NLGN1: variants seen among roughly 807,000 people sequenced by gnomAD.
The protein encoded by NLGN1 is neuroligin 1.
Under a neutral mutation model 65.5 loss-of-function variants are expected in NLGN1, and 12 were observed. That is an observed-to-expected ratio of 0.18 (90% CI 0.12 to 0.30). The LOEUF is 0.30. Among genes scored for constraint, NLGN1 ranks in the 10% least tolerant of loss-of-function variants. The probability of loss-of-function intolerance (pLI) is 1.00; values close to 1 mark genes in which losing one functional copy is unlikely to be tolerated. For missense variants in NLGN1, 750 were observed against 1,007.1 expected, an observed-to-expected ratio of 0.74 and a Z score of 3.46; for synonymous variants, 350 against 359.5, an observed-to-expected ratio of 0.97 and a Z score of 0.30.
chr3:174,008,349 T>TC (rs986131035), intron 4 of NLGN1, among the ~76,000 whole-genome samples: 36 of 80,210 alleles, frequency 4.5e-4, no homozygotes, highest in African/African-American at 1.6e-3. Flanking sequence ...ATCCAACCCG[T>TC]CCCCCCCACC....
At chr3:173,664,605 A>C (rs1761442634) in intron 3 of NLGN1, among the ~76,000 whole-genome samples, 1 of 152,148 alleles carries the variant, frequency 6.6e-6, no homozygotes, top group Non-Finnish European at 1.5e-5. Context: ...GTTTCCATTC[A>C]TTGAACACCC....
intron 4 of NLGN1, among the ~76,000 whole-genome samples, chr3:174,037,160 C>G (rs764254142): frequency 1.3e-5 from 2 of 152,124 alleles, no homozygotes; most frequent in Admixed American, 1.3e-4. Flanking sequence ...GTTTTTAGGT[C>G]TTTGAGGAAT....
chr3:174,059,086 A>T (rs75448228), intron 4 of NLGN1, among the ~76,000 whole-genome samples: 10,999 of 152,178 alleles, frequency 0.072, 659 homozygotes, highest in African/African-American at 0.16. Context: ...GCTTTCTTCA[A>T]GTGTTTGGTG....
At chr3:174,027,306 T>C (rs1233802996) in intron 4 of NLGN1, among the ~76,000 whole-genome samples, 1 of 152,170 alleles carries the variant, frequency 6.6e-6, no homozygotes, top group Non-Finnish European at 1.5e-5. Flanking sequence ...CCTTCTCTCT[T>C]ATACCCTGTT....
intron 4 of NLGN1, among the ~76,000 whole-genome samples, chr3:173,876,106 C>A (rs767031267): frequency 8.5e-5 from 13 of 152,082 alleles, no homozygotes; most frequent in Non-Finnish European, 1.6e-4. Flanking sequence ...CAAACTGATT[C>A]TCCTGGAAGG....
chr3:173,781,105 A>C (rs1781069834), intron 3 of NLGN1, among the ~76,000 whole-genome samples: 1 of 122,700 alleles, frequency 8.1e-6, no homozygotes, highest in African/African-American at 3.1e-5. Context: ...AGATCGCGCC[A>C]CTGCACTCCA....
intron 2 of NLGN1, among the ~76,000 whole-genome samples, chr3:173,600,199 G>GCACACA (rs1426717740): frequency 2.4e-4 from 1 of 4,216 alleles, no homozygotes. Context: ...GTACATGTGT[G>GCACACA]TACACACACA....
At chr3:174,243,913 G>A (rs1743333946) in intron 4 of NLGN1, among the ~76,000 whole-genome samples, 1 of 152,086 alleles carries the variant, frequency 6.6e-6, no homozygotes, top group African/African-American at 2.4e-5. Context: ...TACCACTTTT[G>A]GGTGACAGAA....
intron 4 of NLGN1, among the ~76,000 whole-genome samples, chr3:173,848,380 A>T (rs777300766): frequency 4.6e-5 from 7 of 152,200 alleles, no homozygotes; most frequent in Non-Finnish European, 1.0e-4. Context: ...GAGAGCAGAG[A>T]TATGATTCAG....
Position 173,643,780 on chromosome 3 carries a change from C to A in NLGN1, c.493+38689C>A, listed in dbSNP as rs377018946. On this transcript the variant is annotated intron_variant, in intron 3 of 6. Coordinates refer to ENST00000457714, the Ensembl canonical transcript of NLGN1. ...AAAGAGATAGAGTCTGGTTATGCTG[C>A]CCAGGCTGGTTTTGAACTCCTGGGC... 4.4e-4 allele frequency among the ~76,000 whole-genome samples: 67 copies of A among 152,286 alleles called. No individual in the cohort carries two copies. In the South Asian group the frequency reaches 6.2e-3, roughly 14 times the overall value.
chr3:173,996,992 G>A (rs1380676894), intron 4 of NLGN1, among the ~76,000 whole-genome samples: 3 of 151,904 alleles, frequency 2.0e-5, no homozygotes, highest in Non-Finnish European at 4.4e-5. Flanking sequence ...TTTAAATAGT[G>A]GTTTGTGACA....
chr3:173,407,496 G>A (rs1311996733), intron 1 of NLGN1, among the ~76,000 whole-genome samples: 1 of 152,110 alleles, frequency 6.6e-6, no homozygotes, highest in Non-Finnish European at 1.5e-5. Context: ...CATATATTCT[G>A]TATATAAGTT....
chr3:173,561,544 T>C (rs1334919174), intron 2 of NLGN1, among the ~76,000 whole-genome samples: 2 of 152,144 alleles, frequency 1.3e-5, no homozygotes, highest in Admixed American at 6.6e-5. Context: ...ACAAAGACTT[T>C]CCCTTTCAAT....
chr3:173,960,885 T>G (rs764701493), intron 4 of NLGN1, among the ~76,000 whole-genome samples: 4 of 152,032 alleles, frequency 2.6e-5, no homozygotes, highest in South Asian at 4.1e-4. Flanking sequence ...TGATCTACCT[T>G]TAATATATAC....
chr3:173,501,352 G>A (rs1159079288), intron 2 of NLGN1, among the ~76,000 whole-genome samples: 1 of 152,042 alleles, frequency 6.6e-6, no homozygotes, highest in East Asian at 1.9e-4. Flanking sequence ...GTATCTCAGA[G>A]TTTTAAACAG....
chr3:174,086,976 A>C (rs1743539439), intron 4 of NLGN1, among the ~76,000 whole-genome samples: 2 of 152,144 alleles, frequency 1.3e-5, no homozygotes, highest in South Asian at 2.1e-4. Context: ...ACATAGACAA[A>C]ACGTGGAGCT....
At chr3:173,631,879 T>C (rs1048310024) in intron 3 of NLGN1, among the ~76,000 whole-genome samples, 5 of 151,244 alleles carry the variant, frequency 3.3e-5, no homozygotes, top group African/African-American at 1.2e-4. Flanking sequence ...ATTTAGAATT[T>C]CAAGATGAAA....
At chr3:174,131,002 C>T (rs1447034537) in intron 4 of NLGN1, among the ~76,000 whole-genome samples, 1 of 152,114 alleles carries the variant, frequency 6.6e-6, no homozygotes, top group Non-Finnish European at 1.5e-5. Flanking sequence ...GTGATTCTTA[C>T]TCATCATACC....
chr3:173,753,750 A>C (rs1776645954), intron 3 of NLGN1, among the ~76,000 whole-genome samples: 3 of 151,888 alleles, frequency 2.0e-5, no homozygotes, highest in Non-Finnish European at 2.9e-5. Context: ...ACAGTGGCCT[A>C]CCATGCCTCA....
Sources: gnomAD v4.1 joint callset for allele counts (sites outside exome capture counted in the v4.1 genomes callset) on GRCh38, gnomAD v4.1.1 for gene constraint, MANE v1.5 for transcripts, NCBI Gene and HGNC (gene_info 2026-07-23, HGNC 2026-07-21) for gene names.